Variants in KHDRBS3 observed in about 807,000 individuals in gnomAD.
The protein encoded by KHDRBS3 is KH RNA binding domain containing, signal transduction associated 3, also known as KH domain-containing, RNA-binding, signal transduction-associated protein 3.
Under a neutral mutation model 45.6 loss-of-function variants are expected in KHDRBS3, and 23 were observed. That is an observed-to-expected ratio of 0.50 (90% CI 0.36 to 0.72). KHDRBS3 has a LOEUF of 0.72. KHDRBS3 is among the 30% of genes least tolerant of loss of function. The pLI is 0.00. For missense variants in KHDRBS3, 352 were observed against 424.8 expected (o/e 0.83, Z 1.51); for synonymous variants, 162 against 156.5 (o/e 1.04, Z -0.26).
rs1161139541 is a variant in KHDRBS3 at position 135,582,008 on chromosome 8, G to C, written c.742G>C (p.Gly248Arg). ...AGGACTTCTCACTCCCAGAGCAAGA[G>C]GAGTCCCCCCAACTGGGTACAGACC... ...GRGLLTPRAR[G>R]VPPTGYRPPP... The change falls in exon 6 of 9, where the codon GGA becomes CGA. Residue 248 changes from glycine (G) to arginine (R), a missense_variant. Gly to Arg is a moderately radical substitution (Grantham distance 125, BLOSUM62 -2). Around this residue, in one of 6 missense-constraint regions of KHDRBS3, gnomAD observed 212 missense variants for 209.6 expected, o/e 1.01. Transcript: ENST00000355849. 8 of 1,612,750 alleles carry C rather than the reference G, an allele frequency of 5.0e-6. No homozygotes were observed. Among genetic ancestry groups the C allele is most frequent in the Non-Finnish European group, 6.8e-6 (8 of 1,179,408 alleles).
chr8:135,488,685 C>T (rs1822989411), intron 1 of KHDRBS3, among the ~76,000 whole-genome samples: 1 of 152,134 alleles, frequency 6.6e-6, no homozygotes, highest in Non-Finnish European at 1.5e-5. Flanking sequence ...GTATAGACTT[C>T]ATATTTGATC....
chr8:135,484,934 A>G (rs75806492), intron 1 of KHDRBS3, among the ~76,000 whole-genome samples: 7 of 152,238 alleles, frequency 4.6e-5, no homozygotes, highest in Non-Finnish European at 1.0e-4. Flanking sequence ...TATAGATGCT[A>G]TTTGTCGAGT....
intron 2 of KHDRBS3, among the ~76,000 whole-genome samples, chr8:135,537,006 T>A (rs1825811821): frequency 8.0e-6 from 1 of 125,230 alleles, no homozygotes; most frequent in Non-Finnish European, 1.7e-5. Context: ...AAGGAGATGT[T>A]TAGGAGGTAA....
At chr8:135,637,116 C>A (rs1830846860) in intron 7 of KHDRBS3, among the ~76,000 whole-genome samples, 1 of 152,234 alleles carries the variant, frequency 6.6e-6, no homozygotes, top group Non-Finnish European at 1.5e-5. Context: ...TATTCAATAC[C>A]CTCCTGGGGA....
downstream of KHDRBS3, among the ~76,000 whole-genome samples, chr8:135,652,298 A>T (rs1831446385): frequency 6.6e-6 from 1 of 152,254 alleles, no homozygotes; most frequent in African/African-American, 2.4e-5. Context: ...TCTGACTGAC[A>T]TTCCTGTTTC....
intron 4 of KHDRBS3, among the ~76,000 whole-genome samples, chr8:135,654,951 T>C (rs13254363): frequency 0.44 from 67,196 of 152,102 alleles, 15,171 homozygotes; most frequent in South Asian, 0.55. Context: ...CGCATGAGAA[T>C]CCTGGCTGAG....
intron 2 of KHDRBS3, chr8:135,538,742 A>G (rs1825899535): frequency 6.6e-6 from 1 of 152,202 alleles, no homozygotes; most frequent in South Asian, 2.1e-4. Context: ...CAGAACCCAT[A>G]GCAAGTGGGA....
chr8:135,511,254 T>C (rs10104847), intron 1 of KHDRBS3, among the ~76,000 whole-genome samples: 19,427 of 152,224 alleles, frequency 0.13, 2,591 homozygotes, highest in African/African-American at 0.34. Flanking sequence ...AAATGAACAT[T>C]GTATCTACTT....
chr8:135,489,378 G>C (rs539786564), intron 1 of KHDRBS3, among the ~76,000 whole-genome samples: 1 of 152,258 alleles, frequency 6.6e-6, no homozygotes, highest in Admixed American at 6.5e-5. Flanking sequence ...AACAAAAATA[G>C]TTTAAAAAGT....
chr8:135,579,001 A>G (rs556631200), intron 5 of KHDRBS3, among the ~76,000 whole-genome samples: 57 of 152,206 alleles, frequency 3.7e-4, no homozygotes, highest in African/African-American at 1.3e-3. Context: ...TATTGCTGGT[A>G]TGTAGGAAAG....
intron 5 of KHDRBS3, among the ~76,000 whole-genome samples, chr8:135,577,889 CA>C (rs1341161853): frequency 6.6e-6 from 1 of 152,162 alleles, no homozygotes; most frequent in Non-Finnish European, 1.5e-5. Flanking sequence ...TTCATATCCT[CA>C]CCAACAATTG....
At chr8:135,518,317 C>T (rs747268126) in intron 1 of KHDRBS3, among the ~76,000 whole-genome samples, 2 of 152,048 alleles carry the variant, frequency 1.3e-5, no homozygotes, top group Non-Finnish European at 2.9e-5. Flanking sequence ...GGACTACAGG[C>T]GCCTGCCACC....
chr8:135,636,679 G>A (rs1290476068), intron 7 of KHDRBS3, among the ~76,000 whole-genome samples: 1 of 152,152 alleles, frequency 6.6e-6, no homozygotes, highest in Non-Finnish European at 1.5e-5. Flanking sequence ...ACCTCATGCA[G>A]CCTTCCCGTC....
chr8:135,500,220 A>T (rs757339117), intron 1 of KHDRBS3, among the ~76,000 whole-genome samples: 1 of 151,868 alleles, frequency 6.6e-6, no homozygotes, highest in Non-Finnish European at 1.5e-5. Context: ...AATTCAGTTC[A>T]TTGTGAGGTG....
downstream of KHDRBS3, among the ~76,000 whole-genome samples, chr8:135,650,117 G>A (rs1019903783): frequency 6.6e-4 from 101 of 152,196 alleles, 2 homozygotes; most frequent in Middle Eastern, 6.8e-3. Context: ...TCATATGGCA[G>A]CATATATGGA....
chr8:135,645,648 C>T (rs978831334), intron 8 of KHDRBS3, among the ~76,000 whole-genome samples: 3 of 152,192 alleles, frequency 2.0e-5, no homozygotes, highest in South Asian at 2.1e-4. Context: ...CAGCTAAACC[C>T]CTCTTAATTC....
chr8:135,571,817 G>A (rs1031774664), intron 5 of KHDRBS3, among the ~76,000 whole-genome samples: 1 of 152,062 alleles, frequency 6.6e-6, no homozygotes, highest in African/African-American at 2.4e-5. Flanking sequence ...TGTGGCCTTG[G>A]GGAGCTTGGG....
intron 2 of KHDRBS3, chr8:135,539,660 G>A (rs1825948925): frequency 6.6e-6 from 1 of 152,200 alleles, no homozygotes; most frequent in African/African-American, 2.4e-5. Context: ...CCCACAGTAG[G>A]TAATATGGTC....
At chr8:135,610,549 C>T (rs892627028) in intron 7 of KHDRBS3, among the ~76,000 whole-genome samples, 1 of 151,822 alleles carries the variant, frequency 6.6e-6, no homozygotes, top group Non-Finnish European at 1.5e-5. Context: ...CCTTGAAAAG[C>T]TTACTGGCTA....
Sources: gnomAD v4.1 joint callset for allele counts (sites outside exome capture counted in the v4.1 genomes callset) on GRCh38, gnomAD v4.1.1 for gene constraint, gnomAD v4.1.1 regional missense constraint, MANE v1.5 for transcripts, NCBI Gene and HGNC (gene_info 2026-07-23, HGNC 2026-07-21) for gene names.